Variants in CSMD1 observed in about 807,000 individuals in gnomAD.
The protein encoded by CSMD1 is CUB and Sushi multiple domains 1.
Under a neutral mutation model 417.5 loss-of-function variants are expected in CSMD1, and 213 were observed. The observed-to-expected ratio is 0.51, with a 90% CI of 0.46 to 0.57. The LOEUF is 0.57. Ranked by LOEUF, CSMD1 falls within the 20% of genes least tolerant of loss-of-function variation. CSMD1 has a pLI of 0.00. For missense variants in CSMD1, 6,923 were observed against 4,529.7 expected (o/e 1.53, Z -15.17); for synonymous variants, 2,862 against 1,736.8 (o/e 1.65, Z -16.11).
At chr8:4,253,532 G>C (rs879901014) in intron 3 of CSMD1, among the ~76,000 whole-genome samples, 6 of 152,080 alleles carry the variant, frequency 3.9e-5, no homozygotes, top group Admixed American at 6.6e-5. Context: ...AAGAAGAAAA[G>C]GATGATGTTA....
intron 3 of CSMD1, among the ~76,000 whole-genome samples, chr8:4,084,186 T>A (rs1298840017): frequency 2.0e-5 from 3 of 152,202 alleles, no homozygotes; most frequent in African/African-American, 4.8e-5. Flanking sequence ...AATTTTAAAA[T>A]GTATTTTTTC....
chr8:4,262,855 T>A (rs1192195251), intron 3 of CSMD1, among the ~76,000 whole-genome samples: 2 of 152,202 alleles, frequency 1.3e-5, no homozygotes, highest in African/African-American at 4.8e-5. Context: ...AACTGTCTTT[T>A]AAGCCAATAA....
chr8:4,660,251 A>C (rs190065583), intron 1 of CSMD1, among the ~76,000 whole-genome samples: 1 of 152,236 alleles, frequency 6.6e-6, no homozygotes, highest in East Asian at 1.9e-4. Flanking sequence ...CATAACCAGT[A>C]AGTGATTTTA....
At chr8:4,870,631 C>T (rs751548909) in intron 1 of CSMD1, among the ~76,000 whole-genome samples, 1 of 151,992 alleles carries the variant, frequency 6.6e-6, no homozygotes, top group Admixed American at 6.5e-5. Flanking sequence ...AGGTAAAATC[C>T]CAGCGCACCA....
At chr8:3,022,285 G>A (rs1332676388) in intron 51 of CSMD1, among the ~76,000 whole-genome samples, 1 of 129,206 alleles carries the variant, frequency 7.7e-6, no homozygotes, top group Non-Finnish European at 1.6e-5. Flanking sequence ...AGAGCATCCG[G>A]AATGCACCCG....
intron 1 of CSMD1, among the ~76,000 whole-genome samples, chr8:4,892,620 C>A (rs1446668434): frequency 6.6e-6 from 1 of 151,976 alleles, no homozygotes; most frequent in African/African-American, 2.4e-5. Context: ...GTAGTCTTTC[C>A]TTAGACGTGA....
intron 2 of CSMD1, among the ~76,000 whole-genome samples, chr8:4,498,216 A>G (rs979909609): frequency 1.3e-5 from 2 of 152,170 alleles, no homozygotes; most frequent in African/African-American, 4.8e-5. Flanking sequence ...GGGTTGAACG[A>G]TGATTGTTGG....
At chr8:3,423,464 G>A (rs1274324510) in intron 12 of CSMD1, among the ~76,000 whole-genome samples, 2 of 152,308 alleles carry the variant, frequency 1.3e-5, no homozygotes, top group East Asian at 1.9e-4. Flanking sequence ...TTCACTGAGT[G>A]TAATGATTCT....
At chr8:2,959,193 C>A (rs894842542) in intron 62 of CSMD1, among the ~76,000 whole-genome samples, 1 of 152,194 alleles carries the variant, frequency 6.6e-6, no homozygotes, top group African/African-American at 2.4e-5. Flanking sequence ...GCATCCTTGA[C>A]CTCCAGGGCT....
chr8:3,156,986 CAAAAAAAAAAA>C (rs869173951), intron 39 of CSMD1, among the ~76,000 whole-genome samples: 3 of 64,452 alleles, frequency 4.7e-5, no homozygotes, highest in African/African-American at 1.6e-4. Context: ...GTTGTTTAGA[CAAAAAAAAAAA>C]AAAAAAAAAA....
chr8:3,058,609 C>G (rs1007992899), intron 49 of CSMD1, among the ~76,000 whole-genome samples: 4 of 152,166 alleles, frequency 2.6e-5, no homozygotes, highest in Non-Finnish European at 5.9e-5. Flanking sequence ...GTTTGTGCCA[C>G]AACTTCTCAA....
intron 26 of CSMD1, among the ~76,000 whole-genome samples, chr8:3,260,658 T>C (rs58027452): frequency 0.31 from 46,936 of 151,654 alleles, 7,470 homozygotes; most frequent in Admixed American, 0.36. Flanking sequence ...TCCCTTTCTT[T>C]ATATTTTCCA....
intron 5 of CSMD1, among the ~76,000 whole-genome samples, chr8:3,957,700 A>T (rs1426845863): frequency 1.6e-5 from 2 of 123,736 alleles, no homozygotes; most frequent in African/African-American, 5.5e-5. Context: ...AAAAAAGAAG[A>T]GAAGAGGAAA....
intron 2 of CSMD1, among the ~76,000 whole-genome samples, chr8:4,528,500 G>T (rs1383806804): frequency 6.6e-6 from 1 of 152,176 alleles, no homozygotes; most frequent in Admixed American, 6.5e-5. Context: ...CAGCTGTGTA[G>T]CATGGCGCCT....
chr8:3,075,583 C>G (rs1340449650), intron 49 of CSMD1, among the ~76,000 whole-genome samples: 1 of 151,950 alleles, frequency 6.6e-6, no homozygotes, highest in Non-Finnish European at 1.5e-5. Flanking sequence ...GCCAGGCTAG[C>G]CTCATGTATT....
intron 3 of CSMD1, among the ~76,000 whole-genome samples, chr8:4,033,348 A>C (rs1052075884): frequency 1.3e-5 from 2 of 152,132 alleles, no homozygotes; most frequent in Admixed American, 6.5e-5. Flanking sequence ...AGGCTGAGGC[A>C]GGAGAATGGC....
chr8:4,772,064 G>C (rs368907593), intron 1 of CSMD1, among the ~76,000 whole-genome samples: 2 of 152,118 alleles, frequency 1.3e-5, no homozygotes, highest in South Asian at 2.1e-4. Flanking sequence ...ACCAGGTATC[G>C]GCAGGCTGTA....
intron 2 of CSMD1, among the ~76,000 whole-genome samples, chr8:4,445,969 G>T (rs971276188): frequency 2.6e-5 from 4 of 152,118 alleles, no homozygotes; most frequent in African/African-American, 9.7e-5. Flanking sequence ...TAGACGAAAG[G>T]ATAGCAACAA....
intron 3 of CSMD1, among the ~76,000 whole-genome samples, chr8:4,101,061 G>C (rs749780573): frequency 6.6e-6 from 1 of 152,142 alleles, no homozygotes; most frequent in Non-Finnish European, 1.5e-5. Context: ...GATGATGCCA[G>C]AGACGAGACG....
Sources: allele counts gnomAD v4.1 joint callset (sites outside exome capture counted in the v4.1 genomes callset), GRCh38; gene constraint gnomAD v4.1.1; transcripts MANE v1.5; gene names NCBI Gene and HGNC (gene_info 2026-07-23, HGNC 2026-07-21).